Variants in SLC20A2 observed in about 807,000 individuals in gnomAD.
SLC20A2 encodes the protein solute carrier family 20 member 2.
A neutral mutation model predicts 61.0 loss-of-function variants in SLC20A2; 30 were observed. That is an observed-to-expected ratio of 0.49 (90% CI 0.37 to 0.67). The LOEUF (loss-of-function observed/expected upper bound fraction) is 0.67. SLC20A2 is among the 30% of genes least tolerant of loss of function. The pLI is 0.00. For synonymous variants in SLC20A2, 351 were observed against 353.3 expected (o/e 0.99, Z 0.07); for missense variants, 626 against 866.4 (o/e 0.72, Z 3.48).
chr8:42,475,122 CT>C (rs77258375), intron 1 of SLC20A2, among the ~76,000 whole-genome samples: 6 of 151,500 alleles, frequency 4.0e-5, no homozygotes. Context: ...TTGGCTTTTC[CT>C]TTTTTTTGCT....
At chr8:42,424,141 A>C (rs1007433493) in intron 10 of SLC20A2, among the ~76,000 whole-genome samples, 1 of 152,236 alleles carries the variant, frequency 6.6e-6, no homozygotes, top group Non-Finnish European at 1.5e-5. Flanking sequence ...CCTATTAAAG[A>C]GCACACACAT....
At chr8:42,533,654 C>CTTTTTTTTTTTTTTTTTTTTTTTTTTTTT (rs1162369065) in intron 1 of SLC20A2, among the ~76,000 whole-genome samples, 5 of 55,306 alleles carry the variant, frequency 9.0e-5, no homozygotes, top group African/African-American at 2.4e-4. Context: ...ATCAACTGTT[C>CTTTTTTTTTTTTTTTTTTTTTTTTTTTTT]TTTTTTTTTT....
chr8:42,455,782 C>T (rs1806151306), intron 5 of SLC20A2, among the ~76,000 whole-genome samples: 1 of 152,124 alleles, frequency 6.6e-6, no homozygotes, highest in African/African-American at 2.4e-5. Context: ...GACCCCAGGG[C>T]TCAGGACTGG....
intron 5 of SLC20A2, among the ~76,000 whole-genome samples, chr8:42,453,240 T>G (rs1805883564): frequency 6.6e-6 from 1 of 152,214 alleles, no homozygotes; most frequent in South Asian, 2.1e-4. Context: ...ACTTTTTCAT[T>G]AAAAATGAAG....
At chr8:42,510,772 A>G (rs1810984851) in intron 1 of SLC20A2, among the ~76,000 whole-genome samples, 1 of 152,152 alleles carries the variant, frequency 6.6e-6, no homozygotes, top group South Asian at 2.1e-4. Flanking sequence ...TAAAATGAGG[A>G]TAAGGATCCA....
chr8:42,434,315 G>A (rs148843882), intron 8 of SLC20A2, among the ~76,000 whole-genome samples: 1,854 of 152,234 alleles, frequency 0.012, 34 homozygotes, highest in African/African-American at 0.042. Context: ...TTGAACGCCC[G>A]ACCTCAGGTG....
intron 10 of SLC20A2, among the ~76,000 whole-genome samples, chr8:42,420,203 G>T (rs1802951721): frequency 6.6e-6 from 1 of 151,196 alleles, no homozygotes; most frequent in African/African-American, 2.4e-5. Flanking sequence ...AAAAAAAATT[G>T]TCTCTTCATG....
intron 5 of SLC20A2, among the ~76,000 whole-genome samples, chr8:42,449,124 G>A (rs1180115618): frequency 2.0e-5 from 3 of 152,082 alleles, no homozygotes; most frequent in Non-Finnish European, 2.9e-5. Context: ...TTTCTGGTAC[G>A]GATCTCGAAT....
At chr8:42,424,771 C>A (rs755567597) in intron 10 of SLC20A2, among the ~76,000 whole-genome samples, 2 of 152,162 alleles carry the variant, frequency 1.3e-5, no homozygotes, top group Non-Finnish European at 2.9e-5. Context: ...TTAGGCCGGG[C>A]GCACTGGCTC....
In SLC20A2 at chr8:42,526,713, CT is replaced by C. The variant is rs1325776221; in HGVS notation, c.-265+15107del. On this transcript the variant is annotated intron_variant, in intron 1 of 10. Transcript: ENST00000342228. ...AACTGTCACAGCCAATGACTGAAAT[CT>C]GAATAAAGTATGAAATTTTGGTAAT... Among the ~76,000 whole-genome samples the C allele has an allele frequency of 2.7e-5, 4 of 150,794 alleles. No homozygotes were observed. In the East Asian group the frequency reaches 7.8e-4, roughly 29 times the overall value.
At chr8:42,507,735 T>C (rs756420248) in intron 1 of SLC20A2, among the ~76,000 whole-genome samples, 1 of 152,196 alleles carries the variant, frequency 6.6e-6, no homozygotes, top group Non-Finnish European at 1.5e-5. Context: ...AGGCTCATAA[T>C]GTGATGAGTC....
intron 1 of SLC20A2, among the ~76,000 whole-genome samples, chr8:42,512,540 G>A (rs923317032): frequency 6.6e-6 from 1 of 151,958 alleles, no homozygotes; most frequent in Admixed American, 6.6e-5. Context: ...TAGTACAGAT[G>A]GGGTTTCACC....
intron 1 of SLC20A2, among the ~76,000 whole-genome samples, chr8:42,474,938 G>A (rs1273496954): frequency 6.6e-6 from 1 of 151,560 alleles, no homozygotes; most frequent in Non-Finnish European, 1.5e-5. Context: ...GGGGGGTGGG[G>A]GGGACACTCA....
At chr8:42,512,781 A>G (rs1416454701) in intron 1 of SLC20A2, among the ~76,000 whole-genome samples, 1 of 152,276 alleles carries the variant, frequency 6.6e-6, no homozygotes, top group Non-Finnish European at 1.5e-5. Flanking sequence ...AGTAATAAGC[A>G]GCTAGTTAGA....
intron 1 of SLC20A2, among the ~76,000 whole-genome samples, chr8:42,514,333 GAGA>G (rs1228231914): frequency 2.0e-5 from 3 of 152,178 alleles, no homozygotes; most frequent in Non-Finnish European, 4.4e-5. Flanking sequence ...ACAGTGTGAA[GAGA>G]AGATTAGAAA....
intron 1 of SLC20A2, chr8:42,484,781 C>A: frequency 3.0e-6 from 1 of 328,154 alleles, no homozygotes; most frequent in Non-Finnish European, 6.0e-6. Flanking sequence ...CTAAAGGCTG[C>A]TCCCATATCA....
At chr8:42,528,474 A>G (rs1812121394) in intron 1 of SLC20A2, among the ~76,000 whole-genome samples, 1 of 151,494 alleles carries the variant, frequency 6.6e-6, no homozygotes, top group African/African-American at 2.4e-5. Context: ...AAAAAAAAAG[A>G]AAAGAAAAAA....
At chr8:42,458,609 A>G (rs1406570154) in intron 5 of SLC20A2, among the ~76,000 whole-genome samples, 2 of 123,986 alleles carry the variant, frequency 1.6e-5, no homozygotes, top group African/African-American at 7.0e-5. Flanking sequence ...GGCAATAAAG[A>G]AAAAAAAAAA....
intron 1 of SLC20A2, among the ~76,000 whole-genome samples, chr8:42,475,992 T>C (rs1331772799): frequency 6.6e-6 from 1 of 152,024 alleles, no homozygotes; most frequent in Non-Finnish European, 1.5e-5. Context: ...TTCTTCTCTT[T>C]TGCATTGTTT....
Sources: gnomAD v4.1 joint callset for allele counts (sites outside exome capture counted in the v4.1 genomes callset) on GRCh38, gnomAD v4.1.1 for gene constraint, MANE v1.5 for transcripts, NCBI Gene and HGNC (gene_info 2026-07-23, HGNC 2026-07-21) for gene names.